Variants in CDH12 observed in about 807,000 individuals in gnomAD.
CDH12 encodes the protein cadherin-12.
Under a neutral mutation model 74.1 loss-of-function variants are expected in CDH12, and 41 were observed. The ratio of observed to expected loss-of-function variants is 0.55; its 90% CI spans 0.43 to 0.72. CDH12 has a LOEUF of 0.72. CDH12 is among the 30% of genes least tolerant of loss of function. The pLI is 0.00. For missense variants in CDH12, 945 were observed against 977.2 expected (o/e 0.97, Z 0.44); for synonymous variants, 399 against 355.0 (o/e 1.12, Z -1.39).
chr5:22,153,893 T>A (rs1444183810), intron 4 of CDH12, among the ~76,000 whole-genome samples: 7 of 53,422 alleles, frequency 1.3e-4, no homozygotes, highest in Admixed American at 9.9e-4. Context: ...TATATAAATA[T>A]ATATATATAT....
chr5:22,108,419 A>G (rs1474648049), intron 4 of CDH12, among the ~76,000 whole-genome samples: 1 of 152,246 alleles, frequency 6.6e-6, no homozygotes, highest in Non-Finnish European at 1.5e-5. Flanking sequence ...CATAATCAAA[A>G]AGATAATATT....
At chr5:21,934,795 CT>C (rs200526888) in intron 6 of CDH12, among the ~76,000 whole-genome samples, 4 of 150,654 alleles carry the variant, frequency 2.7e-5, no homozygotes, top group African/African-American at 4.9e-5. Context: ...TCCTTTTCTC[CT>C]TTTTTTTTGA....
chr5:22,321,906 T>C (rs1022330276), intron 3 of CDH12, among the ~76,000 whole-genome samples: 3 of 152,110 alleles, frequency 2.0e-5, no homozygotes, highest in African/African-American at 7.2e-5. Flanking sequence ...TTTATGAGAG[T>C]AAAATTTCAG....
intron 2 of CDH12, among the ~76,000 whole-genome samples, chr5:22,417,506 G>C (rs1743449072): frequency 6.6e-6 from 1 of 152,128 alleles, no homozygotes; most frequent in African/African-American, 2.4e-5. Context: ...TAGCAAGAAG[G>C]CCCTCGCCAG....
At chr5:22,538,170 T>C (rs1446360127) in intron 1 of CDH12, among the ~76,000 whole-genome samples, 1 of 152,178 alleles carries the variant, frequency 6.6e-6, no homozygotes, top group African/African-American at 2.4e-5. Context: ...TATCTGTTTC[T>C]TTCTCTCTCT....
intron 2 of CDH12, among the ~76,000 whole-genome samples, chr5:22,445,251 C>A (rs1188437619): frequency 6.6e-6 from 1 of 151,940 alleles, no homozygotes; most frequent in African/African-American, 2.4e-5. Context: ...GGATACAGCC[C>A]CCACCTCCAA....
At chr5:21,776,563 C>T (rs924860885) in intron 11 of CDH12, among the ~76,000 whole-genome samples, 8 of 152,112 alleles carry the variant, frequency 5.3e-5, no homozygotes, top group East Asian at 1.9e-4. Flanking sequence ...GATCCACTTC[C>T]GATTACCAGT....
At chr5:22,339,658 C>T (rs1332179346) in intron 3 of CDH12, among the ~76,000 whole-genome samples, 1 of 152,068 alleles carries the variant, frequency 6.6e-6, no homozygotes, top group Admixed American at 6.6e-5. Flanking sequence ...GATAATCTAG[C>T]TTTAATTTAT....
At chr5:22,093,710 C>G (rs966169347) in intron 4 of CDH12, among the ~76,000 whole-genome samples, 2 of 152,006 alleles carry the variant, frequency 1.3e-5, no homozygotes, top group African/African-American at 4.8e-5. Flanking sequence ...GGTTGCAACA[C>G]TATGTGAATA....
chr5:22,014,161 A>T (rs906246131), intron 5 of CDH12, among the ~76,000 whole-genome samples: 8 of 152,178 alleles, frequency 5.3e-5, no homozygotes, highest in African/African-American at 1.9e-4. Context: ...CAGGAGGCGG[A>T]TGTTGCAGTG....
chr5:22,043,962 C>T (rs1474388600), intron 5 of CDH12, among the ~76,000 whole-genome samples: 2 of 151,818 alleles, frequency 1.3e-5, no homozygotes, highest in African/African-American at 4.8e-5. Flanking sequence ...GGAAAAATAC[C>T]CCATGTTCAT....
chr5:21,875,205 C>T (rs1751864923), intron 6 of CDH12, among the ~76,000 whole-genome samples: 1 of 152,166 alleles, frequency 6.6e-6, no homozygotes, highest in Admixed American at 6.5e-5. Flanking sequence ...CTATTTTATA[C>T]TTGAGTTGCA....
chr5:21,960,574 G>T (rs1756311609), intron 6 of CDH12, among the ~76,000 whole-genome samples: 1 of 151,636 alleles, frequency 6.6e-6, no homozygotes, highest in African/African-American at 2.4e-5. Flanking sequence ...TCTAATTTTG[G>T]GATTATTTCT....
At chr5:21,867,598 C>T (rs1751399035) in intron 6 of CDH12, among the ~76,000 whole-genome samples, 1 of 152,144 alleles carries the variant, frequency 6.6e-6, no homozygotes, top group Non-Finnish European at 1.5e-5. Flanking sequence ...TTGCTTGGGG[C>T]CTGTAGCCCC....
At chr5:22,274,336 TC>T (rs1368188625) in intron 3 of CDH12, among the ~76,000 whole-genome samples, 1 of 152,142 alleles carries the variant, frequency 6.6e-6, no homozygotes, top group African/African-American at 2.4e-5. Context: ...TTTTAATAAT[TC>T]AATTTCACTG....
At chr5:21,893,609 T>C (rs1346345648) in intron 6 of CDH12, among the ~76,000 whole-genome samples, 1 of 152,232 alleles carries the variant, frequency 6.6e-6, no homozygotes, top group Admixed American at 6.5e-5. Context: ...GAACTTCAAG[T>C]ATTCTTGCAA....
intron 2 of CDH12, among the ~76,000 whole-genome samples, chr5:22,423,206 TAAA>T (rs58915238): frequency 3.0e-4 from 36 of 121,436 alleles, no homozygotes; most frequent in African/African-American, 8.6e-4. Flanking sequence ...GTAAACACAG[TAAA>T]AAAAAAAAAA....
At chr5:21,951,290 C>T (rs1332568486) in intron 6 of CDH12, among the ~76,000 whole-genome samples, 1 of 152,066 alleles carries the variant, frequency 6.6e-6, no homozygotes, top group Non-Finnish European at 1.5e-5. Flanking sequence ...ACTCTGTTCG[C>T]CAAGCTGGAG....
intron 6 of CDH12, among the ~76,000 whole-genome samples, chr5:21,904,984 C>T (rs1040602402): frequency 6.6e-6 from 1 of 152,156 alleles, no homozygotes; most frequent in African/African-American, 2.4e-5. Flanking sequence ...TGAGGGAAAC[C>T]AAGGTGATGT....
Sources: allele counts gnomAD v4.1 joint callset (sites outside exome capture counted in the v4.1 genomes callset), GRCh38; gene constraint gnomAD v4.1.1; transcripts MANE v1.5; gene names NCBI Gene and HGNC (gene_info 2026-07-23, HGNC 2026-07-21).